The following BTRC variants were observed in gnomAD, a reference collection of about 807,000 sequenced individuals.
BTRC encodes the protein beta-transducin repeat containing E3 ubiquitin protein ligase, also known as F-box/WD repeat-containing protein 1A.
In BTRC, 42 loss-of-function variants were observed where a neutral mutation model predicts 85.5. The ratio of observed to expected loss-of-function variants is 0.49; its 90% CI spans 0.38 to 0.64. The LOEUF (loss-of-function observed/expected upper bound fraction) is 0.64. BTRC is among the 30% of genes least tolerant of loss of function. BTRC has a pLI of 0.00. For missense variants in BTRC, 594 were observed against 743.5 expected (o/e 0.80, Z 2.34); for synonymous variants, 255 against 263.3 (o/e 0.97, Z 0.30).
rs1189260135 is a variant in BTRC at position 101,508,831 on chromosome 10, G to A, written c.325-12808G>A. ...GGGGAGGCTGAGGCAGGAGAATGGC[G>A]TGAACCCAGGAGGCGGAGCTTGCAG... On this transcript the variant is annotated intron_variant, in intron 4 of 14. Coordinates refer to ENST00000370187, the MANE Select transcript of BTRC (RefSeq NM_033637.4). Among the ~76,000 whole-genome samples the A allele has an allele frequency of 2.0e-5, 3 of 150,608 alleles. No homozygotes were observed. In the South Asian group the frequency reaches 6.3e-4, roughly 32 times the overall value.
At chr10:101,522,069 G>A (rs1418501010) in intron 5 of BTRC, among the ~76,000 whole-genome samples, 199 bp downstream of exon 5, 1 of 106,816 alleles carries the variant, frequency 9.4e-6, no homozygotes, top group Non-Finnish European at 1.7e-5. Context: ...GTCTTGCCCT[G>A]TCGCCCAGGC....
intron 6 of BTRC, among the ~76,000 whole-genome samples, chr10:101,530,001 T>C (rs1178404205): frequency 2.0e-5 from 3 of 152,192 alleles, no homozygotes; most frequent in African/African-American, 7.2e-5. Context: ...GTTTGGTGGG[T>C]TCTTAACTTC....
At chr10:101,424,187 T>C (rs1374679048) in intron 1 of BTRC, among the ~76,000 whole-genome samples, 2 of 152,052 alleles carry the variant, frequency 1.3e-5, no homozygotes, top group African/African-American at 2.4e-5. Flanking sequence ...TGAGCCGAGA[T>C]CATGGCATTG....
intron 4 of BTRC, among the ~76,000 whole-genome samples, chr10:101,504,965 G>T (rs1290438466): frequency 2.0e-5 from 3 of 151,064 alleles, no homozygotes; most frequent in Non-Finnish European, 4.4e-5. Flanking sequence ...TTTTTGAGAT[G>T]AAGTCTTACT....
chr10:101,403,904 C>A (rs1282612947), intron 1 of BTRC, among the ~76,000 whole-genome samples: 3 of 142,728 alleles, frequency 2.1e-5, no homozygotes, highest in Admixed American at 1.4e-4. Flanking sequence ...CCATTTAGTT[C>A]TTTATATCTG....
intron 2 of BTRC, among the ~76,000 whole-genome samples, chr10:101,457,258 T>TG (rs1214832551): frequency 6.6e-6 from 1 of 152,188 alleles, no homozygotes; most frequent in Non-Finnish European, 1.5e-5. Flanking sequence ...ACCTAGGCAT[T>TG]GTGACACAGC....
intron 3 of BTRC, among the ~76,000 whole-genome samples, chr10:101,470,606 A>C (rs1330458564): frequency 6.6e-6 from 1 of 152,188 alleles, no homozygotes; most frequent in Non-Finnish European, 1.5e-5. Flanking sequence ...CTGGGATTAC[A>C]GGCGCGAGCC....
intron 2 of BTRC, among the ~76,000 whole-genome samples, chr10:101,450,833 T>C (rs1944939572): frequency 6.6e-6 from 1 of 152,200 alleles, no homozygotes; most frequent in Admixed American, 6.6e-5. Context: ...AGATGTTTTC[T>C]GTCTGATCCC....
intron 3 of BTRC, among the ~76,000 whole-genome samples, chr10:101,463,759 G>C (rs2134176193): frequency 6.6e-6 from 1 of 152,260 alleles, no homozygotes; most frequent in Non-Finnish European, 1.5e-5. Flanking sequence ...TCAGATCTCA[G>C]TGTTTCCAAA....
chr10:101,549,713 C>CAAAAAAAAAAAAAAAAA (rs755481178), intron 13 of BTRC, among the ~76,000 whole-genome samples: 651 of 42,750 alleles, frequency 0.015, 150 homozygotes, highest in East Asian at 0.073. Flanking sequence ...GACTCTGTCT[C>CAAAAAAAAAAAAAAAAA]AAAAAAAAAA....
intron 2 of BTRC, among the ~76,000 whole-genome samples, chr10:101,457,151 A>G (rs928540690): frequency 6.6e-6 from 1 of 152,228 alleles, no homozygotes; most frequent in Non-Finnish European, 1.5e-5. Flanking sequence ...TTACATGAAT[A>G]TGCTCTCTCA....
intron 1 of BTRC, among the ~76,000 whole-genome samples, chr10:101,359,647 C>G (rs1313230377): frequency 6.6e-6 from 1 of 151,138 alleles, no homozygotes; most frequent in Non-Finnish European, 1.5e-5. Flanking sequence ...GTTGCCCAGG[C>G]TGGAGTGCAA....
intron 5 of BTRC, among the ~76,000 whole-genome samples, chr10:101,523,182 C>T (rs949201398): frequency 1.5e-4 from 23 of 151,858 alleles, no homozygotes; most frequent in African/African-American, 4.8e-4. Context: ...CCAGACTGGG[C>T]GACAGGGCGA....
chr10:101,369,730 A>G (rs550569666), intron 1 of BTRC, among the ~76,000 whole-genome samples: 44 of 152,308 alleles, frequency 2.9e-4, no homozygotes, highest in Admixed American at 2.3e-3. Flanking sequence ...TATCTTACAT[A>G]TTATTTAAAA....
At chr10:101,523,232 A>G (rs191281187) in intron 5 of BTRC, among the ~76,000 whole-genome samples, 41 of 152,238 alleles carry the variant, frequency 2.7e-4, no homozygotes, top group Admixed American at 1.9e-3. Flanking sequence ...TAAATAGATA[A>G]ATAAATTCTA....
At chr10:101,425,093 C>T (rs529236312) in intron 1 of BTRC, among the ~76,000 whole-genome samples, 1 of 152,262 alleles carries the variant, frequency 6.6e-6, no homozygotes, top group East Asian at 1.9e-4. Flanking sequence ...AGGATAATGG[C>T]TTCTAGCTGC....
intron 5 of BTRC, among the ~76,000 whole-genome samples, chr10:101,522,394 T>C (rs1352894261): frequency 2.0e-5 from 2 of 98,750 alleles, no homozygotes; most frequent in Non-Finnish European, 4.2e-5. Flanking sequence ...AAAAAAACTC[T>C]AGAAATAAAG....
At chr10:101,532,776 G>GTA (rs1198220819) in intron 8 of BTRC, among the ~76,000 whole-genome samples, 176 bp from the exon 9 acceptor site, 15 of 72,986 alleles carry the variant, frequency 2.1e-4, no homozygotes, top group African/African-American at 6.8e-4. Flanking sequence ...GTGTGTGTGT[G>GTA]TGTGTGTGTG....
chr10:101,521,123 T>G (rs2062098145), intron 4 of BTRC, among the ~76,000 whole-genome samples: 2 of 151,952 alleles, frequency 1.3e-5, no homozygotes, highest in East Asian at 3.9e-4. Flanking sequence ...ATGTTAAAAA[T>G]TAGCAGGACA....
Sources: gnomAD v4.1 joint callset for allele counts (sites outside exome capture counted in the v4.1 genomes callset) on GRCh38, gnomAD v4.1.1 for gene constraint, MANE v1.5 for transcripts, NCBI Gene and HGNC (gene_info 2026-07-23, HGNC 2026-07-21) for gene names.